Variants in LYST observed in about 807,000 individuals in gnomAD.
The protein encoded by LYST is lysosomal-trafficking regulator.
A neutral mutation model predicts 413.6 loss-of-function variants in LYST; 192 were observed. The ratio of observed to expected loss-of-function variants is 0.46; its 90% CI spans 0.41 to 0.52. The LOEUF (loss-of-function observed/expected upper bound fraction) is 0.52. Among genes scored for constraint, LYST ranks in the 20% least tolerant of loss-of-function variants. LYST has a pLI of 0.00. For synonymous variants in LYST, 1,525 were observed against 1,567.3 expected (o/e 0.97, Z 0.64); for missense variants, 3,815 against 4,499.9 (o/e 0.85, Z 4.35).
chr1:235,820,336 T>C (rs1227096706), intron 3 of LYST, among the ~76,000 whole-genome samples: 1 of 152,058 alleles, frequency 6.6e-6, no homozygotes, highest in Non-Finnish European at 1.5e-5. Context: ...CTATCCAGAA[T>C]GTGATGGAAA....
rs144384971 is a variant in LYST, at chr1:235,733,882, C to T, written c.8560G>A (p.Glu2854Lys). ...TGCCAAGCAGCTTTATTCACTCCTTCTTCAGTTTCATATTTCTTTTGTTCC... is the reference window on the plus strand; with the variant it reads ...TGCCAAGCAGCTTTATTCACTCCTTTTTCAGTTTCATATTTCTTTTGTTCC... ...KEEQKKYETE[E>K]GVNKAAWQKT... The change falls in exon 33 of 53, where the codon GAA (glutamate) becomes AAA (lysine). Residue 2854 changes from glutamate (E) to lysine (K), a missense_variant. Glu to Lys is a moderately conservative substitution (Grantham distance 56, BLOSUM62 1). Transcript: ENST00000389793. The T allele has an allele frequency of 4.5e-5, 72 of 1,592,052 alleles. No homozygotes were observed. The highest frequency in any genetic ancestry group is 1.7e-4 in the Middle Eastern group (1 of 5,816).
chr1:235,734,058 T>C (rs1164205529), intron 32 of LYST, 152 bp from the exon 33 acceptor site: 1 of 534,998 alleles, frequency 1.9e-6, no homozygotes, highest in Non-Finnish European at 3.3e-6. Flanking sequence ...ATGAACCATC[T>C]AAACAATGTT....
chr1:235,733,503 C>T lies in LYST; in HGVS notation c.8801G>A (p.Arg2934Lys). 1 of 1,613,118 alleles carries T rather than the reference C, an allele frequency of 6.2e-7. No homozygotes were observed. The highest frequency in any genetic ancestry group is 8.5e-7 in the Non-Finnish European group (1 of 1,179,164). The change falls in exon 34 of 53, where the codon AGA becomes AAA. Residue 2934 changes from arginine to lysine, a missense_variant and splice_region_variant. Around this residue, in one of 4 missense-constraint regions of LYST, gnomAD observed 866 missense variants for 1,156.0 expected, o/e 0.75. Transcript: ENST00000389793. The part of the protein sequence containing the change: ...QELIQQLTHD[R>K]AVWYDPIYYP... ...TTTTAACTGACCTCCCGCAGCTTACCTATCATGTGTCAGCTGCTGAATAAG... is the reference window on the plus strand; with the variant it reads ...TTTTAACTGACCTCCCGCAGCTTACTTATCATGTGTCAGCTGCTGAATAAG...
At chr1:235,718,224 T>C (rs899776781) in intron 40 of LYST, among the ~76,000 whole-genome samples, 4 of 151,392 alleles carry the variant, frequency 2.6e-5, no homozygotes, top group African/African-American at 9.7e-5. Context: ...GCTATGTTAA[T>C]AGTTGTAGCT....
At chr1:235,765,838 C>T (rs1362615186) in intron 21 of LYST, among the ~76,000 whole-genome samples, 2 of 151,220 alleles carry the variant, frequency 1.3e-5, no homozygotes, top group African/African-American at 4.9e-5. Context: ...TTACCAAATA[C>T]ACATTTTTTT....
chr1:235,756,058 T>TATCTATA (rs1667023975), intron 24 of LYST, among the ~76,000 whole-genome samples: 1 of 138,236 alleles, frequency 7.2e-6, no homozygotes, highest in Non-Finnish European at 1.6e-5. Flanking sequence ...TCTATATCTA[T>TATCTATA]ATCTGTATCT....
Position 235,662,831 on chromosome 1 carries a change from T to C in LYST, c.*109A>G. ...TGAATAGACTTTATCATTATTTGGATGGTTTGTCCAGTCATCCATTTCTTT... is the reference window on the plus strand; with the variant it reads ...TGAATAGACTTTATCATTATTTGGACGGTTTGTCCAGTCATCCATTTCTTT... On this transcript the variant is annotated 3_prime_UTR_variant, in exon 53 of 53. Transcript: ENST00000389793. 2 of 780,082 alleles carry C rather than the reference T, an allele frequency of 2.6e-6. No homozygotes were observed. Among genetic ancestry groups the C allele is most frequent in the South Asian group, 2.7e-5 (2 of 73,948 alleles). The allele number at this position is 780,082 out of a possible 1,614,324, so 48.3% of individuals were successfully genotyped here.
chr1:235,715,658 A>T (rs538780369), intron 41 of LYST, among the ~76,000 whole-genome samples: 1 of 152,226 alleles, frequency 6.6e-6, no homozygotes, highest in African/African-American at 2.4e-5. Context: ...AATGGCTCAT[A>T]ATGTCTAAGC....
At chr1:235,684,145 G>A (rs1346727036) in intron 48 of LYST, among the ~76,000 whole-genome samples, 1 of 152,158 alleles carries the variant, frequency 6.6e-6, no homozygotes, top group Non-Finnish European at 1.5e-5. Flanking sequence ...TGTATGTCTT[G>A]CAGTATTTAA....
intron 1 of LYST, among the ~76,000 whole-genome samples, chr1:235,837,624 C>CA (rs34107122): frequency 1.2e-3 from 142 of 121,440 alleles, no homozygotes; most frequent in East Asian, 5.2e-3. Flanking sequence ...GACCCTGTTT[C>CA]AAAAAAAAAA....
chr1:235,690,915 C>A (rs1558119721), intron 47 of LYST, among the ~76,000 whole-genome samples: 1 of 145,546 alleles, frequency 6.9e-6, no homozygotes. Flanking sequence ...TTACAAGTTT[C>A]TTTTTTTTTT....
chr1:235,706,017 T>A (rs182070820), intron 44 of LYST, among the ~76,000 whole-genome samples: 1 of 152,244 alleles, frequency 6.6e-6, no homozygotes, highest in African/African-American at 2.4e-5. Context: ...GGTCTTGAAC[T>A]CCTGACCTCA....
chr1:235,812,877 T>C, intron 4 of LYST, 94 bp downstream of exon 4: 2 of 773,794 alleles, frequency 2.6e-6, no homozygotes, highest in Non-Finnish European at 4.6e-6. Context: ...CATATAGTGT[T>C]CTGAATCTGA....
intron 42 of LYST, chr1:235,712,634 C>G: frequency 1.0e-6 from 1 of 985,154 alleles, no homozygotes. Flanking sequence ...AAGCATGATT[C>G]CTTCACTTTG....
intron 1 of LYST, among the ~76,000 whole-genome samples, chr1:235,845,137 A>G (rs942781487): frequency 3.3e-5 from 5 of 152,150 alleles, no homozygotes; most frequent in African/African-American, 1.2e-4. Context: ...TGCAGGCCCC[A>G]GGAGACCCCC....
intron 3 of LYST, among the ~76,000 whole-genome samples, chr1:235,818,460 T>G (rs1469423896): frequency 1.3e-5 from 2 of 152,164 alleles, no homozygotes; most frequent in African/African-American, 4.8e-5. Flanking sequence ...AACCATTCAC[T>G]GCATGAATGA....
chr1:235,738,261 A>G (rs1021657771), intron 31 of LYST: 3 of 1,611,102 alleles, frequency 1.9e-6, no homozygotes, highest in Non-Finnish European at 2.5e-6. Flanking sequence ...TGTAACTGTA[A>G]ACTCCAAGCT....
intron 50 of LYST, among the ~76,000 whole-genome samples, chr1:235,671,483 TC>T (rs1658939149): frequency 6.6e-6 from 1 of 152,188 alleles, no homozygotes; most frequent in African/African-American, 2.4e-5. Flanking sequence ...CCAGGATGAA[TC>T]CCACTGGGAC....
intron 13 of LYST, among the ~76,000 whole-genome samples, chr1:235,787,575 A>C (rs1191134563): frequency 6.6e-6 from 1 of 152,218 alleles, no homozygotes; most frequent in Admixed American, 6.5e-5. Context: ...TTCATGAACT[A>C]AAATAGATTA....
Sources: gnomAD v4.1 joint callset for allele counts (sites outside exome capture counted in the v4.1 genomes callset) on GRCh38, gnomAD v4.1.1 for gene constraint, gnomAD v4.1.1 regional missense constraint, MANE v1.5 for transcripts, NCBI Gene and HGNC (gene_info 2026-07-23, HGNC 2026-07-21) for gene names.